The following SVIL variants were observed in gnomAD, a reference collection of about 807,000 sequenced individuals.
SVIL encodes the protein supervillin, also known as archvillin.
A neutral mutation model predicts 240.4 loss-of-function variants in SVIL; 101 were observed. That is an observed-to-expected ratio of 0.42 (90% CI 0.36 to 0.50). The LOEUF (loss-of-function observed/expected upper bound fraction) is 0.50, where lower values mean the gene tolerates loss of function less well. Among genes scored for constraint, SVIL ranks in the 20% least tolerant of loss-of-function variants. SVIL has a pLI of 0.01. For synonymous variants in SVIL, 999 were observed against 1,100.0 expected (o/e 0.91, Z 1.82); for missense variants, 2,512 against 2,818.7 (o/e 0.89, Z 2.46).
chr10:29,533,096 T>C lies in SVIL; in HGVS notation c.1271A>G (p.Glu424Gly). Reference sequence around the variant, plus strand: ...CCCTTCTTCTTCTTCTGCTTTTGACTCGCAGACATGGAGAACTGGGCTATC... The same window carrying C: ...CCCTTCTTCTTCTTCTGCTTTTGACCCGCAGACATGGAGAACTGGGCTATC... ...GRDSPVLHVC[E>G]SKAEEEEGEG... is the part of the protein sequence containing the mutation. The change falls in exon 8 of 38, where the codon GAG becomes GGG. Residue 424 changes from glutamate to glycine, a missense_variant. Transcript: ENST00000355867. 1 of 1,614,004 alleles carries C rather than the reference T, an allele frequency of 6.2e-7. No individual in the cohort carries two copies. The highest frequency in any genetic ancestry group is 8.5e-7 in the Non-Finnish European group (1 of 1,179,950).
At chr10:29,689,316 G>C (rs1030827773) in intron 1 of SVIL, among the ~76,000 whole-genome samples, 1 of 151,792 alleles carries the variant, frequency 6.6e-6, no homozygotes, top group Non-Finnish European at 1.5e-5. Context: ...ACAGAGTCTC[G>C]CACTATCACC....
In SVIL at chr10:29,567,093, C is replaced by G. The variant is rs115315501; in HGVS notation, c.-143+2162G>C. On this transcript the variant is annotated intron_variant, in intron 2 of 37. Coordinates refer to ENST00000355867, the MANE Select transcript of SVIL (RefSeq NM_021738.3). ...TCTTTGTCTCCCCTGAAACAGTGCTCGTTCTTTAGGACTGATTGTTTGTGC... is the reference window on the plus strand; with the variant it reads ...TCTTTGTCTCCCCTGAAACAGTGCTGGTTCTTTAGGACTGATTGTTTGTGC... 2.0e-5 allele frequency among the ~76,000 whole-genome samples: 3 copies of G among 152,160 alleles called. No individual in the cohort carries two copies. In the South Asian group the frequency reaches 6.2e-4, roughly 32 times the overall value.
chr10:29,554,673 C>T, intron 5 of SVIL, 110 bp downstream of exon 5: 1 of 1,305,974 alleles, frequency 7.7e-7, no homozygotes, highest in Admixed American at 3.4e-5. Context: ...TATATCCACA[C>T]AATTCACTTC....
intron 17 of SVIL, among the ~76,000 whole-genome samples, chr10:29,507,548 T>A (rs1488349115): frequency 2.0e-5 from 3 of 148,300 alleles, no homozygotes; most frequent in African/African-American, 7.7e-5. Context: ...TTCTCACAGA[T>A]ACACACTCAT....
intron 1 of SVIL, among the ~76,000 whole-genome samples, chr10:29,575,750 A>G (rs1361383970): frequency 6.6e-6 from 1 of 152,180 alleles, no homozygotes; most frequent in African/African-American, 2.4e-5. Flanking sequence ...ATTCATTCAG[A>G]CAACAAGAAT....
chr10:29,651,971 T>C (rs557745007), intron 3 of SVIL, among the ~76,000 whole-genome samples: 1 of 152,192 alleles, frequency 6.6e-6, no homozygotes, highest in South Asian at 2.1e-4. Context: ...TCATCTATCA[T>C]GAAGTGCTGA....
At chr10:29,555,570 TGTCACATATATAG>T (rs1252312298) in intron 3 of SVIL, among the ~76,000 whole-genome samples, 3 of 152,218 alleles carry the variant, frequency 2.0e-5, no homozygotes, top group Non-Finnish European at 4.4e-5. Flanking sequence ...CTCACGTATA[TGTCACATATATAG>T]GTTGGCTAAG....
chr10:29,471,620 C>A (rs926680341), intron 30 of SVIL, among the ~76,000 whole-genome samples: 1 of 152,156 alleles, frequency 6.6e-6, no homozygotes, highest in Non-Finnish European at 1.5e-5. Context: ...CAAGATAGCT[C>A]TCAGCAATGA....
intron 36 of SVIL, among the ~76,000 whole-genome samples, chr10:29,460,190 T>C (rs901856625): frequency 3.3e-5 from 5 of 152,204 alleles, no homozygotes; most frequent in Admixed American, 1.3e-4. Flanking sequence ...CTTCGTGTTT[T>C]TGTGTCTCTG....
rs76093810 is a variant in SVIL, at chr10:29,643,513, T to C, written c.-201+14456A>G. 6.8e-3 allele frequency among the ~76,000 whole-genome samples: 1,041 copies of C among 152,328 alleles called. 9 individuals carry two copies. The highest frequency in any genetic ancestry group is 0.022 in the African/African-American group (929 of 41,570). ...ACTGATATGTACACCGATACACCTGTATGAATCGAGCTTGTGGCCTTCTGT... is the reference window on the plus strand; with the variant it reads ...ACTGATATGTACACCGATACACCTGCATGAATCGAGCTTGTGGCCTTCTGT... On this transcript the variant is annotated intron_variant, in intron 3 of 35. Coordinates refer to the SVIL transcript ENST00000375400.
rs962738714 is a variant in SVIL, at chr10:29,656,859, T to C, written c.-201+1110A>G. Among the ~76,000 whole-genome samples the C allele has an allele frequency of 7.9e-5, 12 of 152,332 alleles. 1 individual carries two copies. The highest frequency in any genetic ancestry group is 3.4e-3 in the Middle Eastern group (1 of 294). ...TGTGCAGTGAGCAGCAGGACCCAGA[T>C]TGAACCCCTGGTGTTTTGGTAACAA... On this transcript the variant is annotated intron_variant, in intron 3 of 35. Coordinates refer to the SVIL transcript ENST00000375400.
At chr10:29,658,948 C>G (rs1425218165) in intron 2 of SVIL, among the ~76,000 whole-genome samples, 1 of 152,152 alleles carries the variant, frequency 6.6e-6, no homozygotes, top group Non-Finnish European at 1.5e-5. Context: ...CCGAAGGCAT[C>G]AGGGTGAGTG....
chr10:29,519,846 T>C (rs115813853), intron 16 of SVIL, among the ~76,000 whole-genome samples: 2,499 of 152,324 alleles, frequency 0.016, 79 homozygotes, highest in African/African-American at 0.058. Context: ...TGGCTTCTGT[T>C]AGCCAGCAGG....
chr10:29,606,198 A>C lies in SVIL; in HGVS notation c.-201+28222T>G, dbSNP rs570916136. 4.6e-5 allele frequency among the ~76,000 whole-genome samples: 7 copies of C among 151,828 alleles called. No individual in the cohort carries two copies. The East Asian group carries it at 1.4e-3, about 29-fold the overall frequency. Reference sequence around the variant, plus strand: ...TGCTGGGATTACAGGCGTGCGCCACAGCTCCCGGCCTATTTTTAAAAATTT... The same window carrying C: ...TGCTGGGATTACAGGCGTGCGCCACCGCTCCCGGCCTATTTTTAAAAATTT... On this transcript the variant is annotated intron_variant, in intron 1 of 37. Transcript: ENST00000355867.
At chr10:29,555,485 T>C in intron 3 of SVIL, among the ~76,000 whole-genome samples, 1 of 152,320 alleles carries the variant, frequency 6.6e-6, no homozygotes, top group East Asian at 1.9e-4. Flanking sequence ...ATGTAATATA[T>C]TTAAAATCAC....
chr10:29,532,815 A>G lies in SVIL; in HGVS notation c.1552T>C (p.Tyr518His), dbSNP rs900665816. The change falls in exon 8 of 38, where the codon TAC becomes CAC. Residue 518 changes from tyrosine (Y) to histidine (H), a missense_variant. Transcript: ENST00000355867. ...ERTGRSEMVL[Y>H]IQSEPVSQDA... ...TGGGACACAGGCTCACTTTGAATGTAGAGAACCATCTCGCTCCTGCCTGTC... is the reference window on the plus strand; with the variant it reads ...TGGGACACAGGCTCACTTTGAATGTGGAGAACCATCTCGCTCCTGCCTGTC... 6.2e-7 allele frequency: 1 copy of G among 1,613,976 alleles called. No individual in the cohort carries two copies. The highest frequency in any genetic ancestry group is 2.2e-5 in the East Asian group (1 of 44,872).
chr10:29,640,735 C>T (rs767056236), intron 3 of SVIL, among the ~76,000 whole-genome samples: 1 of 152,206 alleles, frequency 6.6e-6, no homozygotes, highest in Non-Finnish European at 1.5e-5. Context: ...CACTAAGCCT[C>T]GGTTCCTGCC....
chr10:29,699,937 T>C (rs1962378308), intron 1 of SVIL, among the ~76,000 whole-genome samples: 1 of 152,210 alleles, frequency 6.6e-6, no homozygotes, highest in Non-Finnish European at 1.5e-5. Context: ...GAAGGAACTG[T>C]AAAGTGATTT....
In SVIL at chr10:29,697,516, C is replaced by T. The variant is rs1246373264; in HGVS notation, c.-399-10865G>A. 4.6e-5 allele frequency among the ~76,000 whole-genome samples: 4 copies of T among 87,648 alleles called. No homozygotes were observed. In the East Asian group the frequency reaches 9.4e-4, roughly 21 times the overall value. 57.5% of individuals were successfully genotyped at this position (87,648 alleles called of 152,430 possible). A position where few individuals can be genotyped will look rare whatever the true frequency, so the allele number is the denominator to read the frequency against. On this transcript the variant is annotated intron_variant, in intron 1 of 35. Coordinates refer to the SVIL transcript ENST00000375400. ...GGGATCTTGTTGATCTATGACCTTA[C>T]CCCCAACCCTGTGCTCTCTGAAATA...
Sources: allele counts gnomAD v4.1 joint callset (sites outside exome capture counted in the v4.1 genomes callset), GRCh38; gene constraint gnomAD v4.1.1; transcripts MANE v1.5; gene names NCBI Gene and HGNC (gene_info 2026-07-23, HGNC 2026-07-21).